CSGALNACT1: variants seen among roughly 807,000 people sequenced by gnomAD.
The protein encoded by CSGALNACT1 is beta4GalNAcT-1.
Under a neutral mutation model 51.0 loss-of-function variants are expected in CSGALNACT1, and 52 were observed. That is an observed-to-expected ratio of 1.02 (90% confidence interval 0.82 to 1.29). The LOEUF is 1.29. CSGALNACT1 is among the 50% of genes most tolerant of loss of function. CSGALNACT1 has a pLI of 0.00. For synonymous variants in CSGALNACT1, 341 were observed against 254.4 expected (o/e 1.34, Z -3.24); for missense variants, 935 against 679.2 (o/e 1.38, Z -4.19).
intron 8 of CSGALNACT1, among the ~76,000 whole-genome samples, chr8:19,409,861 G>T (rs1389313657): frequency 2.0e-5 from 3 of 152,064 alleles, no homozygotes; most frequent in African/African-American, 7.2e-5. Context: ...ACTTCTTCAT[G>T]CATCTATTTT....
At chr8:19,680,107 A>G (rs2060485780) in intron 1 of CSGALNACT1, among the ~76,000 whole-genome samples, 1 of 152,200 alleles carries the variant, frequency 6.6e-6, no homozygotes, top group African/African-American at 2.4e-5. Flanking sequence ...ATAGATTTCT[A>G]TGTCAACCTC....
intron 3 of CSGALNACT1, among the ~76,000 whole-genome samples, chr8:19,551,681 G>T (rs1235009979): frequency 6.6e-6 from 1 of 152,066 alleles, no homozygotes; most frequent in African/African-American, 2.4e-5. Flanking sequence ...TCCTCCCAGT[G>T]GGCACTTGGC....
intron 3 of CSGALNACT1, among the ~76,000 whole-genome samples, chr8:19,569,396 G>A (rs1344279631): frequency 6.6e-6 from 1 of 152,140 alleles, no homozygotes; most frequent in Non-Finnish European, 1.5e-5. Context: ...CAAAGCAGGA[G>A]TGATGCTTTG....
intron 3 of CSGALNACT1, among the ~76,000 whole-genome samples, chr8:19,513,231 C>A (rs1403334708): frequency 2.0e-5 from 3 of 151,866 alleles, no homozygotes; most frequent in African/African-American, 7.3e-5. Flanking sequence ...TGGGTGGTAG[C>A]ACCCAGGACA....
Position 19,566,274 on chromosome 8 carries a change from G to A in CSGALNACT1, c.-297+24886C>T, listed in dbSNP as rs573709399. Among the ~76,000 whole-genome samples, 5 of 152,312 alleles carry A rather than the reference G, an allele frequency of 3.3e-5. No individual in the cohort carries two copies. The South Asian group carries it at 6.2e-4, about 19-fold the overall frequency. Reference sequence around the variant, plus strand: ...AAGGAGCAATGTGACCATGATCAGAGACTGGAATGATGTGATCTAGAGCCA... The same window carrying A: ...AAGGAGCAATGTGACCATGATCAGAAACTGGAATGATGTGATCTAGAGCCA... On this transcript the variant is annotated intron_variant, in intron 3 of 9. Coordinates refer to ENST00000454498, the Ensembl canonical transcript of CSGALNACT1.
intron 9 of CSGALNACT1, 64 bp from the exon 9 acceptor site, chr8:19,406,133 A>T (rs1052962531): frequency 2.3e-5 from 37 of 1,580,178 alleles, no homozygotes; most frequent in Non-Finnish European, 3.0e-5. Context: ...CCTGAGTTGC[A>T]ACAAGCACAA....
chr8:19,496,786 T>G (rs561780057), intron 4 of CSGALNACT1, among the ~76,000 whole-genome samples: 1 of 152,188 alleles, frequency 6.6e-6, no homozygotes, highest in Non-Finnish European at 1.5e-5. Context: ...CAAGGCTCAG[T>G]GCAGATGAGT....
chr8:19,739,627 C>G (rs2064188280), intron 1 of CSGALNACT1, among the ~76,000 whole-genome samples: 1 of 152,206 alleles, frequency 6.6e-6, no homozygotes, highest in Non-Finnish European at 1.5e-5. Context: ...CAAAAGTCTC[C>G]TTAAATAGGA....
intron 3 of CSGALNACT1, among the ~76,000 whole-genome samples, chr8:19,560,040 A>C (rs1410824177): frequency 6.6e-6 from 1 of 152,238 alleles, no homozygotes; most frequent in Non-Finnish European, 1.5e-5. Flanking sequence ...AGAATAGACA[A>C]ACGGCACTGA....
intron 3 of CSGALNACT1, among the ~76,000 whole-genome samples, chr8:19,555,485 C>G (rs1375391892): frequency 6.6e-6 from 1 of 152,168 alleles, no homozygotes. Flanking sequence ...ATTTCACGTG[C>G]TTCCCATAGT....
intron 3 of CSGALNACT1, among the ~76,000 whole-genome samples, chr8:19,581,805 C>T (rs1218325511): frequency 6.6e-6 from 1 of 152,164 alleles, no homozygotes; most frequent in Non-Finnish European, 1.5e-5. Context: ...AACGGATTAT[C>T]TTGATATGGT....
intron 1 of CSGALNACT1, among the ~76,000 whole-genome samples, chr8:19,669,116 A>G (rs566713840): frequency 1.3e-5 from 2 of 152,354 alleles, no homozygotes; most frequent in South Asian, 2.1e-4. Context: ...ATTTCATTCA[A>G]AAGTATGTTG....
At chr8:19,634,390 G>A (rs2055731054) in intron 1 of CSGALNACT1, among the ~76,000 whole-genome samples, 1 of 152,192 alleles carries the variant, frequency 6.6e-6, no homozygotes, top group Non-Finnish European at 1.5e-5. Flanking sequence ...GAGGCCAGGT[G>A]TGGTGGCTCA....
chr8:19,581,522 G>A (rs1030306107), intron 3 of CSGALNACT1, among the ~76,000 whole-genome samples: 3 of 152,122 alleles, frequency 2.0e-5, no homozygotes, highest in Non-Finnish European at 2.9e-5. Context: ...CAGGAGAATC[G>A]CTTGAACCAG....
intron 3 of CSGALNACT1, among the ~76,000 whole-genome samples, chr8:19,582,698 CTTT>C (rs553431839): frequency 2.0e-5 from 3 of 151,974 alleles, no homozygotes; most frequent in African/African-American, 7.3e-5. Context: ...ATGCTACAGA[CTTT>C]TTTTTATCAT....
intron 1 of CSGALNACT1, among the ~76,000 whole-genome samples, chr8:19,717,233 G>A (rs2062860509): frequency 6.6e-6 from 1 of 152,204 alleles, no homozygotes; most frequent in Non-Finnish European, 1.5e-5. Context: ...CCATCTTAGT[G>A]AAGCCACACC....
intron 3 of CSGALNACT1, among the ~76,000 whole-genome samples, chr8:19,519,469 G>C (rs1357698672): frequency 6.6e-6 from 1 of 152,104 alleles, no homozygotes; most frequent in Non-Finnish European, 1.5e-5. Context: ...CCAGCACAGG[G>C]GAAGGCGATG....
intron 1 of CSGALNACT1, among the ~76,000 whole-genome samples, chr8:19,639,917 C>A (rs557145595): frequency 1.3e-5 from 2 of 150,408 alleles, no homozygotes; most frequent in Admixed American, 6.6e-5. Context: ...AGTTTCATTC[C>A]GTCTCTCAGG....
At chr8:19,585,852 G>C (rs908208105) in intron 3 of CSGALNACT1, among the ~76,000 whole-genome samples, 1 of 152,152 alleles carries the variant, frequency 6.6e-6, no homozygotes, top group Non-Finnish European at 1.5e-5. Context: ...GAGGAGCTCA[G>C]GAAACCCCTT....
Sources: gnomAD v4.1 joint callset for allele counts (sites outside exome capture counted in the v4.1 genomes callset) on GRCh38, gnomAD v4.1.1 for gene constraint, MANE v1.5 for transcripts, NCBI Gene and HGNC (gene_info 2026-07-23, HGNC 2026-07-21) for gene names.